Variants in ZBTB38 observed in about 807,000 individuals in gnomAD.
The protein encoded by ZBTB38 is zinc finger and BTB domain-containing protein 38.
Under a neutral mutation model 76.8 loss-of-function variants are expected in ZBTB38, and 20 were observed. The ratio of observed to expected loss-of-function variants is 0.26; its 90% CI spans 0.18 to 0.38. The LOEUF is 0.38. Among genes scored for constraint, ZBTB38 ranks in the 10% least tolerant of loss-of-function variants. ZBTB38 has a pLI of 1.00. For synonymous variants in ZBTB38, 504 were observed against 544.2 expected (o/e 0.93, Z 1.03); for missense variants, 1,082 against 1,482.3 (o/e 0.73, Z 4.43).
At chr3:141,388,084 A>G (rs1017877078) in intron 4 of ZBTB38, 3 of 152,100 alleles carry the variant, frequency 2.0e-5, no homozygotes, top group Admixed American at 1.3e-4. Context: ...TTAGTAAATG[A>G]TTCTGCCATA....
At chr3:141,434,949 T>C (rs1208529228) in intron 5 of ZBTB38, among the ~76,000 whole-genome samples, 4 of 151,888 alleles carry the variant, frequency 2.6e-5, no homozygotes, top group Admixed American at 2.0e-4. Context: ...CTGGGCAACA[T>C]AGTGGGACCC....
intron 1 of ZBTB38, among the ~76,000 whole-genome samples, chr3:141,340,226 C>A (rs1943132768): frequency 6.6e-6 from 1 of 152,136 alleles, no homozygotes; most frequent in African/African-American, 2.4e-5. Context: ...ACCATGTATA[C>A]TTTAGAGTTT....
chr3:141,435,382 A>G (rs947479774), intron 5 of ZBTB38, among the ~76,000 whole-genome samples: 2 of 152,208 alleles, frequency 1.3e-5, no homozygotes, highest in African/African-American at 2.4e-5. Flanking sequence ...ATTTAAGTAT[A>G]ATATATGTCA....
intron 1 of ZBTB38, among the ~76,000 whole-genome samples, chr3:141,324,684 G>A (rs1244893722): frequency 6.6e-6 from 1 of 152,108 alleles, no homozygotes; most frequent in African/African-American, 2.4e-5. Flanking sequence ...GATGAAGAAA[G>A]AAAAGAAAGA....
chr3:141,443,386 C>T lies in ZBTB38; in HGVS notation c.998C>T (p.Pro333Leu). ...CAATCTTCTGATGTTCCCGGGCCGC[C>T]AGCCGCAGAGGTTCCACCTCTGGTG... ...ENQSSDVPGP[P>L]AAEVPPLVYN... Residue 333 changes from proline to leucine, a missense_variant, in exon 6 of 6, where the codon CCA (proline) becomes CTA (leucine). Transcript: ENST00000321464. The surrounding 1 kb of genome is among the most constrained non-coding windows in gnomAD (Gnocchi z 5.6). 1 of 1,614,240 alleles carries T rather than the reference C, an allele frequency of 6.2e-7. No individual in the cohort carries two copies. Among genetic ancestry groups the T allele is most frequent in the Non-Finnish European group, 8.5e-7 (1 of 1,180,054 alleles).
chr3:141,408,453 A>T (rs903095921), intron 5 of ZBTB38, among the ~76,000 whole-genome samples: 1 of 152,200 alleles, frequency 6.6e-6, no homozygotes, highest in Non-Finnish European at 1.5e-5. Flanking sequence ...AGGCTGAGGC[A>T]GGAGAATCAC....
chr3:141,393,568 C>T (rs532276787), intron 4 of ZBTB38, among the ~76,000 whole-genome samples: 2 of 151,954 alleles, frequency 1.3e-5, no homozygotes, highest in East Asian at 1.9e-4. Flanking sequence ...GGGAACAGTG[C>T]GGAAGAGAAT....
At chr3:141,371,041 C>CTTTTTTTTTTTTTTTTTTTTTT (rs1944488920) in intron 2 of ZBTB38, among the ~76,000 whole-genome samples, 1 of 75,458 alleles carries the variant, frequency 1.3e-5, no homozygotes, top group African/African-American at 6.6e-5. Context: ...TCTTTTCTTT[C>CTTTTTTTTTTTTTTTTTTTTTT]TTTCTTTTTT....
rs575216582 is a variant in ZBTB38 at position 141,435,496 on chromosome 3, C to T, written c.1-6893C>T. Reference sequence around the variant, plus strand: ...ACTTTAGGCCGGGCACGGTGGCTCACGCCTGTAATCCCAGCACTTTGGGAG... The same window carrying T: ...ACTTTAGGCCGGGCACGGTGGCTCATGCCTGTAATCCCAGCACTTTGGGAG... On this transcript the variant is annotated intron_variant, in intron 5 of 5. Transcript: ENST00000321464. Among the ~76,000 whole-genome samples the T allele has an allele frequency of 3.5e-4, 54 of 152,144 alleles. No homozygotes were observed. The South Asian group carries it at 7.3e-3, about 21-fold the overall frequency.
intron 1 of ZBTB38, 33 bp from the exon 2 acceptor site, chr3:141,369,839 T>G (rs149163616): frequency 6.6e-6 from 1 of 152,262 alleles, no homozygotes; most frequent in Non-Finnish European, 1.5e-5. Context: ...ATAGGCCTTA[T>G]GTTTTACTTT....
chr3:141,331,903 G>A (rs1169625663), intron 1 of ZBTB38, among the ~76,000 whole-genome samples: 2 of 152,182 alleles, frequency 1.3e-5, no homozygotes, highest in Non-Finnish European at 2.9e-5. Flanking sequence ...GTCCTCGGCT[G>A]GGGACTTCAA....
chr3:141,422,632 C>T (rs957206697), intron 5 of ZBTB38, among the ~76,000 whole-genome samples: 3 of 152,084 alleles, frequency 2.0e-5, no homozygotes, highest in African/African-American at 7.2e-5. Context: ...GAAGGGGCAA[C>T]GTTTAGGCCT....
At chr3:141,343,206 T>C (rs1374093750) in intron 1 of ZBTB38, among the ~76,000 whole-genome samples, 2 of 152,128 alleles carry the variant, frequency 1.3e-5, no homozygotes, top group African/African-American at 4.8e-5. Context: ...GAAAGCCATC[T>C]GGGGTAAAAG....
At chr3:141,400,349 C>G (rs1463233152) in intron 4 of ZBTB38, among the ~76,000 whole-genome samples, 2 of 152,148 alleles carry the variant, frequency 1.3e-5, no homozygotes, top group Non-Finnish European at 2.9e-5. Context: ...GAAAGAAATG[C>G]CACTGTTTGT....
rs1201379432 is a variant in ZBTB38 at position 141,446,470 on chromosome 3, AC to A, written c.*495del. On this transcript the variant is annotated 3_prime_UTR_variant, in exon 6 of 6. Coordinates refer to ENST00000321464, the MANE Select transcript of ZBTB38 (RefSeq NM_001376113.1). ...TTAAAATTTGTTTAAATTAATGGAT[AC>A]ACATGAAATACTTAAACAATATAAC... 1.3e-5 allele frequency: 2 copies of A among 153,306 alleles called. No homozygotes were observed. Among genetic ancestry groups the A allele is most frequent in the East Asian group, 3.8e-4 (2 of 5,206 alleles). 9.5% of individuals were successfully genotyped at this position (153,306 alleles called of 1,614,324 possible).
At chr3:141,330,077 CAT>C (rs955654815) in intron 1 of ZBTB38, among the ~76,000 whole-genome samples, 1 of 151,874 alleles carries the variant, frequency 6.6e-6, no homozygotes, top group Non-Finnish European at 1.5e-5. Flanking sequence ...GGAGAGATGA[CAT>C]ATTTATTGTG....
intron 2 of ZBTB38, among the ~76,000 whole-genome samples, chr3:141,375,313 T>A (rs1434582242): frequency 2.0e-5 from 3 of 152,160 alleles, no homozygotes; most frequent in African/African-American, 7.2e-5. Flanking sequence ...TGGCAAAGGT[T>A]GAACTAGACA....
intron 1 of ZBTB38, among the ~76,000 whole-genome samples, chr3:141,358,390 T>C (rs1394293934): frequency 6.6e-6 from 1 of 152,172 alleles, no homozygotes; most frequent in Non-Finnish European, 1.5e-5. Context: ...ATCTGTCCAA[T>C]TGTCTGCCAT....
chr3:141,379,549 C>A (rs1198482370), intron 2 of ZBTB38, among the ~76,000 whole-genome samples: 1 of 152,164 alleles, frequency 6.6e-6, no homozygotes, highest in Non-Finnish European at 1.5e-5. Context: ...ATTTCTCGGG[C>A]CTGGCTGTGA....
Sources: gnomAD v4.1 joint callset for allele counts (sites outside exome capture counted in the v4.1 genomes callset) on GRCh38, gnomAD v4.1.1 for gene constraint, Gnocchi (gnomAD v3.1) non-coding constraint, MANE v1.5 for transcripts, NCBI Gene and HGNC (gene_info 2026-07-23, HGNC 2026-07-21) for gene names.